The following KIAA0319 variants were observed in gnomAD, a reference collection of about 807,000 sequenced individuals.
The protein encoded by KIAA0319 is KIAA0319.
Under a neutral mutation model 108.4 loss-of-function variants are expected in KIAA0319, and 83 were observed. The ratio of observed to expected loss-of-function variants is 0.77; its 90% CI spans 0.64 to 0.92. KIAA0319 has a LOEUF of 0.92. KIAA0319 is among the 40% of genes least tolerant of loss of function. The probability of loss-of-function intolerance (pLI) is 0.00; values close to 1 mark genes in which losing one functional copy is unlikely to be tolerated. For missense variants in KIAA0319, 1,195 were observed against 1,322.4 expected (o/e 0.90, Z 1.49); for synonymous variants, 484 against 510.4 (o/e 0.95, Z 0.70).
intron 3 of KIAA0319, among the ~76,000 whole-genome samples, chr6:24,594,429 C>A (rs1769099754): frequency 6.6e-6 from 1 of 151,394 alleles, no homozygotes; most frequent in Non-Finnish European, 1.5e-5. Context: ...AGTTCGAAGC[C>A]AGCCTGGCCA....
intron 1 of KIAA0319, among the ~76,000 whole-genome samples, chr6:24,630,692 T>TTCA (rs1775452225): frequency 1.4e-5 from 1 of 71,470 alleles, no homozygotes. Context: ...TGTATATATA[T>TTCA]ATATATATAT....
intron 2 of KIAA0319, chr6:24,600,730 G>T: frequency 7.2e-7 from 1 of 1,395,128 alleles, no homozygotes; most frequent in Non-Finnish European, 9.7e-7. Context: ...TGAAAATAAA[G>T]ATTTCTGATA....
At chr6:24,551,777 T>G (rs1471502274) in intron 19 of KIAA0319, among the ~76,000 whole-genome samples, 1 of 152,162 alleles carries the variant, frequency 6.6e-6, no homozygotes, top group Admixed American at 6.5e-5. Flanking sequence ...CAGCTAAGCC[T>G]CAGGCTGCAG....
rs1162523280 is a variant in KIAA0319 at position 24,576,540 on chromosome 6, A to G, written c.1562T>C (p.Val521Ala). ...ATNSTTAALI[V>A]NNAVDYPPVA... ...TGGTGGGTAGTCCACAGCATTGTTC[A>G]CTATTAGGGCTGCAGTTGTAGAGTT... The change falls in exon 10 of 21, where the codon GTG becomes GCG. Residue 521 changes from valine (V) to alanine (A), a missense_variant. Coordinates refer to ENST00000378214, the MANE Select transcript of KIAA0319 (RefSeq NM_014809.4). 3 of 1,614,124 alleles carry G rather than the reference A, an allele frequency of 1.9e-6. No individual in the cohort carries two copies. The highest frequency in any genetic ancestry group is 1.1e-5 in the South Asian group (1 of 91,090).
chr6:24,576,443 G>A lies in KIAA0319; in HGVS notation c.1659C>T (p.Ser553=), dbSNP rs546172104. 6.2e-7 allele frequency: 1 copy of A among 1,614,068 alleles called. No individual in the cohort carries two copies. Among genetic ancestry groups the A allele is most frequent in the Non-Finnish European group, 8.5e-7 (1 of 1,180,042 alleles). The change falls in exon 10 of 21, where the codon AGC becomes AGT. Residue 553 remains serine (S), a synonymous_variant. Coordinates refer to ENST00000378214, the MANE Select transcript of KIAA0319 (RefSeq NM_014809.4). ...QNSITLNGNQ[S]SDDHQIVLYE... ...AGAGGACAATCTGGTGATCGTCACT[G>A]CTCTGGTTTCCATTCAAAGTGATGG... is the stretch of plus-strand genomic sequence containing the variant.
intron 20 of KIAA0319, among the ~76,000 whole-genome samples, chr6:24,550,928 C>T (rs1761390891): frequency 2.0e-5 from 3 of 152,176 alleles, no homozygotes; most frequent in East Asian, 1.9e-4. Flanking sequence ...GAACCCACTG[C>T]CTTCTGCCCC....
chr6:24,641,142 T>C (rs1776859049), intron 1 of KIAA0319, among the ~76,000 whole-genome samples: 1 of 152,216 alleles, frequency 6.6e-6, no homozygotes, highest in Non-Finnish European at 1.5e-5. Context: ...ATAGTTCATG[T>C]AAGTAGGATC....
At chr6:24,569,648 T>C (rs1261455200) in intron 12 of KIAA0319, among the ~76,000 whole-genome samples, 1 of 152,166 alleles carries the variant, frequency 6.6e-6, no homozygotes, top group African/African-American at 2.4e-5. Context: ...CCTGAACCTC[T>C]TCTGTCATGA....
chr6:24,596,200 A>G lies in KIAA0319; in HGVS notation c.474T>C (p.Asp158=). ...GGTCCTTCTCCAGCTCCCGGTAGTC[A>G]TCTGAGTACTCAGACATCTCCTCTA... The part of the protein sequence containing the change: ...WGLEEMSEYS[D]DYRELEKDLL... Residue 158 remains aspartate, a synonymous_variant, in exon 3 of 21, where the codon GAT becomes GAC. Transcript: ENST00000378214. 1 of 1,614,158 alleles carries G rather than the reference A, an allele frequency of 6.2e-7. No homozygotes were observed. Among genetic ancestry groups the G allele is most frequent in the Non-Finnish European group, 8.5e-7 (1 of 1,180,038 alleles).
intron 1 of KIAA0319, among the ~76,000 whole-genome samples, chr6:24,639,469 G>C (rs913971247): frequency 2.0e-5 from 3 of 152,184 alleles, no homozygotes; most frequent in African/African-American, 7.2e-5. Flanking sequence ...TTAAGATAAA[G>C]ACTGAGTTTA....
At chr6:24,600,083 G>A (rs1328814935) in intron 2 of KIAA0319, among the ~76,000 whole-genome samples, 2 of 151,462 alleles carry the variant, frequency 1.3e-5, no homozygotes, top group Non-Finnish European at 2.9e-5. Flanking sequence ...TTATTGGGAT[G>A]CAATAACTCA....
intron 20 of KIAA0319, among the ~76,000 whole-genome samples, chr6:24,549,765 A>C (rs1761194044): frequency 6.6e-6 from 1 of 152,198 alleles, no homozygotes; most frequent in African/African-American, 2.4e-5. Flanking sequence ...ATACCTGTTT[A>C]TTATTACTAT....
At chr6:24,630,169 ACT>A (rs1775336607) in intron 1 of KIAA0319, among the ~76,000 whole-genome samples, 1 of 151,662 alleles carries the variant, frequency 6.6e-6, no homozygotes, top group Admixed American at 6.6e-5. Context: ...ACAGAGTGAG[ACT>A]CTGTCTAAAA....
chr6:24,569,697 A>C (rs1254631245), intron 12 of KIAA0319, among the ~76,000 whole-genome samples: 1 of 152,028 alleles, frequency 6.6e-6, no homozygotes, highest in Non-Finnish European at 1.5e-5. Context: ...CAACTGCCCC[A>C]AGCTCTACCT....
intron 16 of KIAA0319, among the ~76,000 whole-genome samples, chr6:24,561,991 C>T (rs938275063): frequency 4.6e-5 from 7 of 152,244 alleles, no homozygotes; most frequent in East Asian, 1.9e-4. Flanking sequence ...GCGTCAGCCA[C>T]CGCACCTGGC....
intron 2 of KIAA0319, chr6:24,598,790 T>C: frequency 3.9e-6 from 1 of 255,004 alleles, no homozygotes; most frequent in Non-Finnish European, 7.8e-6. Flanking sequence ...GCAGGAGAAT[T>C]CCTTGAACCC....
At chr6:24,541,972 G>A (rs373947531), downstream of KIAA0319, among the ~76,000 whole-genome samples, 15 of 152,134 alleles carry the variant, frequency 9.9e-5, no homozygotes, top group African/African-American at 3.4e-4. Flanking sequence ...AAACTCCGTC[G>A]CTACTAAAAA....
At chr6:24,576,304 G>A in intron 10 of KIAA0319, 64 bp downstream of exon 10, 2 of 1,293,886 alleles carry the variant, frequency 1.5e-6, no homozygotes, top group Non-Finnish European at 2.2e-6. Context: ...CCAACCAATA[G>A]CACATAGCTA....
At chr6:24,645,249 T>C (rs1453325401) in intron 1 of KIAA0319, among the ~76,000 whole-genome samples, 1 of 152,220 alleles carries the variant, frequency 6.6e-6, no homozygotes, top group Non-Finnish European at 1.5e-5. Flanking sequence ...CACATGAGTA[T>C]GTATATCATA....
Sources: allele counts gnomAD v4.1 joint callset (sites outside exome capture counted in the v4.1 genomes callset), GRCh38; gene constraint gnomAD v4.1.1; transcripts MANE v1.5; gene names NCBI Gene and HGNC (gene_info 2026-07-23, HGNC 2026-07-21).